Variants in FAM227B observed in about 807,000 individuals in gnomAD.
FAM227B encodes the protein family with sequence similarity 227 member B.
Under a neutral mutation model 73.8 loss-of-function variants are expected in FAM227B, and 88 were observed. The observed-to-expected ratio is 1.19, with a 90% confidence interval of 1.00 to 1.42. The LOEUF is 1.42. Among genes scored for constraint, FAM227B ranks in the 40% most tolerant of loss-of-function variants. The probability of loss-of-function intolerance (pLI) is 0.00; values close to 1 mark genes in which losing one functional copy is unlikely to be tolerated. For missense variants in FAM227B, 632 were observed against 590.9 expected (o/e 1.07, Z -0.72); for synonymous variants, 210 against 190.5 (o/e 1.10, Z -0.84).
chr15:49,596,576 T>C (rs1224206845), intron 3 of FAM227B, among the ~76,000 whole-genome samples: 1 of 151,594 alleles, frequency 6.6e-6, no homozygotes, highest in African/African-American at 2.4e-5. Context: ...AAAAAAACCA[T>C]GGTATTCAAG....
At chr15:49,376,598 T>G (rs959938306) in intron 11 of FAM227B, among the ~76,000 whole-genome samples, 1 of 152,136 alleles carries the variant, frequency 6.6e-6, no homozygotes, top group Admixed American at 6.5e-5. Flanking sequence ...GATTTGGTTA[T>G]TCTTGTTCCC....
intron 10 of FAM227B, among the ~76,000 whole-genome samples, chr15:49,515,240 G>GGTGT (rs1470277477): frequency 5.3e-5 from 8 of 151,790 alleles, no homozygotes; most frequent in Non-Finnish European, 4.4e-5. Context: ...TCTTTCCTTG[G>GGTGT]GTGTGACAAG....
intron 5 of FAM227B, 90 bp from the exon 6 acceptor site, chr15:49,577,754 A>G (rs2075551868): frequency 6.0e-6 from 4 of 670,250 alleles, no homozygotes; most frequent in Non-Finnish European, 1.0e-5. Context: ...GTATGCATAG[A>G]TAACTATAGA....
intron 9 of FAM227B, among the ~76,000 whole-genome samples, chr15:49,554,647 A>T (rs1489001213): frequency 2.6e-5 from 4 of 152,154 alleles, no homozygotes; most frequent in African/African-American, 9.7e-5. Context: ...TCTGCACTAC[A>T]CTGCCACTGC....
intron 9 of FAM227B, among the ~76,000 whole-genome samples, chr15:49,563,940 C>T (rs911437429): frequency 6.6e-6 from 1 of 152,010 alleles, no homozygotes; most frequent in Non-Finnish European, 1.5e-5. Flanking sequence ...AGAGAATTTA[C>T]GACTAAGTCT....
At chr15:49,364,712 T>G (rs2044824247) in intron 13 of FAM227B, among the ~76,000 whole-genome samples, 1 of 152,198 alleles carries the variant, frequency 6.6e-6, no homozygotes, top group Non-Finnish European at 1.5e-5. Context: ...CTTAAACAGT[T>G]ATTTCTATAA....
At chr15:49,408,463 T>C (rs1255435291) in intron 11 of FAM227B, among the ~76,000 whole-genome samples, 2 of 152,230 alleles carry the variant, frequency 1.3e-5, no homozygotes, top group African/African-American at 2.4e-5. Context: ...TCACTTGAGT[T>C]CTTATTCAAT....
chr15:49,541,763 TG>T lies in FAM227B; in HGVS notation c.790del (p.His264MetfsTer19). 2 of 1,541,738 alleles carry T rather than the reference TG, an allele frequency of 1.3e-6. No homozygotes were observed. Among genetic ancestry groups the T allele is most frequent in the South Asian group, 1.3e-5 (1 of 76,474 alleles). ...GTAACTCGATTCTGGAAATGCTTCA[TG>T]GAACGTTGCATATATGGCTTGTGCC... ...CLAQAIYATF[H>X]EAFPESSYLF... On this transcript the variant is annotated frameshift_variant, in exon 10 of 16. Transcript: ENST00000299338. LOFTEE classifies it high-confidence loss of function.
chr15:49,594,743 G>C (rs773797224), intron 3 of FAM227B, among the ~76,000 whole-genome samples: 11 of 152,046 alleles, frequency 7.2e-5, no homozygotes, highest in Non-Finnish European at 1.5e-4. Context: ...GTCAATATTT[G>C]ACTTTATTTA....
chr15:49,355,374 C>T (rs185099777), intron 13 of FAM227B, among the ~76,000 whole-genome samples: 1 of 152,154 alleles, frequency 6.6e-6, no homozygotes, highest in Admixed American at 6.5e-5. Context: ...ACTAGAATAA[C>T]CAATACAGAG....
chr15:49,512,571 A>AT (rs1316802850), intron 10 of FAM227B, among the ~76,000 whole-genome samples: 1 of 151,954 alleles, frequency 6.6e-6, no homozygotes, highest in Non-Finnish European at 1.5e-5. Context: ...TCAAATATTT[A>AT]TTTTTTTAAT....
chr15:49,612,436 G>A (rs2078001641), intron 2 of FAM227B, among the ~76,000 whole-genome samples: 1 of 152,002 alleles, frequency 6.6e-6, no homozygotes, highest in Non-Finnish European at 1.5e-5. Context: ...ATTTTTTATG[G>A]CTGCATAGTA....
chr15:49,335,878 G>A (rs1353775609), intron 13 of FAM227B, among the ~76,000 whole-genome samples: 1 of 151,980 alleles, frequency 6.6e-6, no homozygotes, highest in Admixed American at 6.6e-5. Context: ...TTCGAGACAG[G>A]GTCTTGCTTT....
intron 11 of FAM227B, among the ~76,000 whole-genome samples, chr15:49,387,954 A>G (rs1474505768): frequency 5.9e-5 from 9 of 151,946 alleles, no homozygotes. Context: ...AAGGAGGACT[A>G]CAAGACACTG....
chr15:49,332,518 C>T (rs1213609474), intron 14 of FAM227B, among the ~76,000 whole-genome samples: 2 of 152,028 alleles, frequency 1.3e-5, no homozygotes, highest in Non-Finnish European at 2.9e-5. Flanking sequence ...GCAGCAGGAA[C>T]CTTTCCAGAG....
At chr15:49,408,049 C>G (rs1314974852) in intron 11 of FAM227B, among the ~76,000 whole-genome samples, 1 of 152,088 alleles carries the variant, frequency 6.6e-6, no homozygotes, top group Non-Finnish European at 1.5e-5. Flanking sequence ...GTATTTCATC[C>G]TTTTTGTTTT....
In FAM227B at chr15:49,453,014, A is replaced by G. The variant is rs954021615; in HGVS notation, c.1012+55197T>C. 5.9e-5 allele frequency among the ~76,000 whole-genome samples: 9 copies of G among 152,272 alleles called. 1 individual carries two copies. The highest frequency in any genetic ancestry group is 2.2e-4 in the African/African-American group (9 of 41,572). On this transcript the variant is annotated intron_variant, in intron 11 of 15. Transcript: ENST00000299338. ...CAAAATTACTCTAGTTAAAAATTGTACTGCTAATATAATAATCACTTTTCT... is the reference window on the plus strand; with the variant it reads ...CAAAATTACTCTAGTTAAAAATTGTGCTGCTAATATAATAATCACTTTTCT...
rs1291476467 is a variant in FAM227B at position 49,359,338 on chromosome 15, A to G, written c.1271+8110T>C. ...GGGAGAAAATTTTCGCAACCTACTCATCTGACAAAGGGCTAATATCCAGAA... is the reference window on the plus strand; with the variant it reads ...GGGAGAAAATTTTCGCAACCTACTCGTCTGACAAAGGGCTAATATCCAGAA... On this transcript the variant is annotated intron_variant, in intron 13 of 15. Transcript: ENST00000299338. Among the ~76,000 whole-genome samples the G allele has an allele frequency of 4.4e-4, 53 of 120,480 alleles. 6 individuals carry two copies. Among genetic ancestry groups the G allele is most frequent in the Non-Finnish European group, 7.5e-4 (41 of 54,644 alleles). The allele number at this position is 120,480 out of a possible 152,430, so 79.0% of individuals were successfully genotyped here. A position where few individuals can be genotyped will look rare whatever the true frequency, so the allele number is the denominator to read the frequency against.
intron 11 of FAM227B, among the ~76,000 whole-genome samples, chr15:49,380,984 C>T (rs573376752): frequency 9.9e-5 from 15 of 152,148 alleles, no homozygotes; most frequent in Non-Finnish European, 1.5e-4. Flanking sequence ...TTCTGGTGCA[C>T]GCCTCAGGGA....
Sources: allele counts gnomAD v4.1 joint callset (sites outside exome capture counted in the v4.1 genomes callset), GRCh38; gene constraint gnomAD v4.1.1; transcripts MANE v1.5; gene names NCBI Gene and HGNC (gene_info 2026-07-23, HGNC 2026-07-21).